The following KIAA1549 variants were observed in gnomAD, a reference collection of about 807,000 sequenced individuals.
KIAA1549 encodes KIAA1549.
KIAA1549 carries 70 observed loss-of-function variants against 156.4 expected under a neutral mutation model. That is an observed-to-expected ratio of 0.45 (90% confidence interval 0.37 to 0.55). The LOEUF is 0.55. Among genes scored for constraint, KIAA1549 ranks in the 20% least tolerant of loss-of-function variants. The pLI, the probability that KIAA1549 is intolerant of heterozygous loss-of-function variation, is 0.00. For synonymous variants in KIAA1549, 1,103 were observed against 1,066.4 expected (o/e 1.03, Z -0.67); for missense variants, 2,428 against 2,540.9 (o/e 0.96, Z 0.96).
At chr7:138,889,394 A>G (rs1404849110) in intron 10 of KIAA1549, among the ~76,000 whole-genome samples, 4 of 152,262 alleles carry the variant, frequency 2.6e-5, no homozygotes, top group African/African-American at 4.8e-5. Flanking sequence ...TACCCTACAA[A>G]TGATGCTGAC....
At chr7:138,854,793 T>C (rs1810337045) in intron 16 of KIAA1549, among the ~76,000 whole-genome samples, 1 of 152,132 alleles carries the variant, frequency 6.6e-6, no homozygotes, top group Non-Finnish European at 1.5e-5. Flanking sequence ...AAAATCTTAC[T>C]ATGGGCTTGA....
chr7:138,940,833 A>C, intron 1 of KIAA1549, among the ~76,000 whole-genome samples: 1 of 152,130 alleles, frequency 6.6e-6, no homozygotes, highest in Non-Finnish European at 1.5e-5. Flanking sequence ...GTGTCTGTTC[A>C]TATCTTTCAC....
intron 2 of KIAA1549, 33 bp downstream of exon 2, chr7:138,916,715 A>G: frequency 1.2e-6 from 2 of 1,609,666 alleles, no homozygotes; most frequent in Non-Finnish European, 1.7e-6. Flanking sequence ...AAGATTGCCC[A>G]CCCCAGAGAG....
intron 1 of KIAA1549, 33 bp from the exon 2 acceptor site, chr7:138,919,471 T>A: frequency 6.3e-7 from 1 of 1,589,334 alleles, no homozygotes; most frequent in Non-Finnish European, 8.6e-7. Flanking sequence ...GTTAGTGCAA[T>A]GCATTGGAAG....
At chr7:138,903,821 G>C (rs982642766) in intron 7 of KIAA1549, 85 bp from the exon 8 acceptor site, 39 of 308,668 alleles carry the variant, frequency 1.3e-4, no homozygotes, top group Non-Finnish European at 1.6e-4. Flanking sequence ...GTGTGTGTGT[G>C]TGTGTGTGTG....
At chr7:138,937,078 A>C (rs6975095) in intron 1 of KIAA1549, among the ~76,000 whole-genome samples, 36,059 of 152,080 alleles carry the variant, frequency 0.24, 5,017 homozygotes, top group African/African-American at 0.39. Context: ...CCCTCAGCTG[A>C]GATACAAGAG....
chr7:138,907,976 A>C (rs1282504128), intron 5 of KIAA1549, among the ~76,000 whole-genome samples: 1 of 152,094 alleles, frequency 6.6e-6, no homozygotes, highest in Non-Finnish European at 1.5e-5. Context: ...CTTGTCTCTG[A>C]CCACACACTG....
chr7:138,981,263 C>T lies in KIAA1549; in HGVS notation c.7G>A (p.Gly3Arg), dbSNP rs1198515653. The T allele has an allele frequency of 1.0e-6, 1 of 979,590 alleles. No individual in the cohort carries two copies. The highest frequency in any genetic ancestry group is 1.2e-6 in the Non-Finnish European group (1 of 827,280). The allele number at this position is 979,590 out of a possible 1,614,324, so 60.7% of individuals were successfully genotyped here. Residue 3 changes from glycine (G) to arginine (R), a missense_variant, in exon 1 of 20, where the codon GGG (glycine) becomes AGG (arginine). Gly to Arg is a moderately radical substitution (Grantham distance 125). This residue lies in a region of KIAA1549 where 893 missense variants were observed against 847.9 expected (regional missense o/e 1.05). Coordinates refer to ENST00000422774, the MANE Select transcript of KIAA1549 (RefSeq NM_001164665.2). The surrounding 1 kb of genome is among the most constrained non-coding windows in gnomAD (Gnocchi z 4.5). MP[G>R]ARRRRRGAAM... ...GCGCCTCGGCGTCGGCGCCGCGCCC[C>T]CGGCATTCCCGGCCGGCGCCCCGGC...
chr7:138,887,888 T>C (rs1811443453), intron 10 of KIAA1549, among the ~76,000 whole-genome samples: 1 of 152,114 alleles, frequency 6.6e-6, no homozygotes, highest in Non-Finnish European at 1.5e-5. Flanking sequence ...GCAGTGAGGT[T>C]TTTATTTCAT....
intron 1 of KIAA1549, among the ~76,000 whole-genome samples, chr7:138,954,239 G>A (rs1056915331): frequency 3.9e-5 from 6 of 152,200 alleles, no homozygotes; most frequent in African/African-American, 1.2e-4. Context: ...GCTAAACTTT[G>A]CTCTGGACAT....
chr7:138,879,872 G>A (rs970912531), intron 11 of KIAA1549, among the ~76,000 whole-genome samples: 2 of 152,158 alleles, frequency 1.3e-5, no homozygotes, highest in Non-Finnish European at 2.9e-5. Flanking sequence ...GGCTCAGCAG[G>A]CTGCATTTCA....
chr7:138,898,549 T>A (rs1371247104), intron 9 of KIAA1549, among the ~76,000 whole-genome samples: 2 of 152,110 alleles, frequency 1.3e-5, no homozygotes, highest in Non-Finnish European at 2.9e-5. Context: ...AGGGTGCACC[T>A]CCCAGCTTCC....
Position 138,881,468 on chromosome 7 carries a change from G to A in KIAA1549, c.4149C>T (p.Asp1383=). Residue 1383 remains aspartate, a synonymous_variant, in exon 11 of 20, where the codon GAC becomes GAT. Coordinates refer to ENST00000422774, the MANE Select transcript of KIAA1549 (RefSeq NM_001164665.2). The part of the protein sequence containing the change: ...EPAPLPGPLK[D]HTTPSENGDV... ...CTCCATTTTCCGAGGGCGTGGTGTGGTCCTTCAGAGGTCCTGGCAGTGGCG... is the reference window on the plus strand; with the variant it reads ...CTCCATTTTCCGAGGGCGTGGTGTGATCCTTCAGAGGTCCTGGCAGTGGCG... The A allele has an allele frequency of 6.2e-7, 1 of 1,614,016 alleles. No individual in the cohort carries two copies. The highest frequency in any genetic ancestry group is 8.5e-7 in the Non-Finnish European group (1 of 1,179,900).
chr7:138,846,452 T>C (rs1199158262), intron 17 of KIAA1549, among the ~76,000 whole-genome samples: 2 of 149,786 alleles, frequency 1.3e-5, no homozygotes, highest in African/African-American at 4.9e-5. Flanking sequence ...GAGAATCGCT[T>C]GAACCTGGGA....
intron 8 of KIAA1549, 59 bp downstream of exon 8, chr7:138,903,529 C>A (rs1047334756): frequency 1.9e-6 from 3 of 1,557,204 alleles, no homozygotes; most frequent in Non-Finnish European, 8.8e-7. Flanking sequence ...TGTGCACTCA[C>A]ACGCAAGCGC....
chr7:138,846,994 A>C (rs1315821826), intron 17 of KIAA1549, among the ~76,000 whole-genome samples: 1 of 152,142 alleles, frequency 6.6e-6, no homozygotes, highest in African/African-American at 2.4e-5. Flanking sequence ...GACTTTATAG[A>C]TCTAAGAGCC....
chr7:138,968,489 A>G (rs1023033022), intron 1 of KIAA1549, among the ~76,000 whole-genome samples: 4 of 152,218 alleles, frequency 2.6e-5, no homozygotes, highest in Non-Finnish European at 5.9e-5. Context: ...ACTAGAGGTC[A>G]GATAGTCAAC....
intron 8 of KIAA1549, among the ~76,000 whole-genome samples, chr7:138,901,321 G>GTT (rs1811834515): frequency 7.0e-6 from 1 of 142,822 alleles, no homozygotes; most frequent in African/African-American, 2.8e-5. Context: ...CCTCTCTTGA[G>GTT]TTTTATTTTT....
intron 12 of KIAA1549, among the ~76,000 whole-genome samples, chr7:138,875,057 T>C (rs1584721911): frequency 1.3e-5 from 2 of 152,166 alleles, no homozygotes; most frequent in East Asian, 3.9e-4. Context: ...CTGTAGGCAC[T>C]GTAGGGTAAC....
Sources: allele counts gnomAD v4.1 joint callset (sites outside exome capture counted in the v4.1 genomes callset), GRCh38; gene constraint gnomAD v4.1.1; regional missense constraint gnomAD v4.1.1; non-coding constraint Gnocchi (gnomAD v3.1); transcripts MANE v1.5; gene names NCBI Gene and HGNC (gene_info 2026-07-23, HGNC 2026-07-21).